SEPTIN7: variants seen among roughly 807,000 people sequenced by gnomAD.
SEPTIN7 encodes the protein septin-7.
Under a neutral mutation model 63.3 loss-of-function variants are expected in SEPTIN7, and 10 were observed. That is an observed-to-expected ratio of 0.16 (90% CI 0.10 to 0.27). The LOEUF is 0.27. SEPTIN7 is among the 10% of genes least tolerant of loss of function. SEPTIN7 has a pLI of 1.00. For missense variants in SEPTIN7, 310 were observed against 521.0 expected (o/e 0.59, Z 3.94); for synonymous variants, 131 against 165.3 (o/e 0.79, Z 1.59).
intron 3 of SEPTIN7, among the ~76,000 whole-genome samples, chr7:35,834,681 A>G (rs561234184): frequency 1.9e-4 from 29 of 152,260 alleles, no homozygotes; most frequent in African/African-American, 7.0e-4. Flanking sequence ...TTTCATCTAT[A>G]TAGGTGTAGT....
rs1787922579 is a variant in SEPTIN7 at position 35,801,117 on chromosome 7, C to CG, written c.-92dup. 1 of 1,066,132 alleles carries CG rather than the reference C, an allele frequency of 9.4e-7. No individual in the cohort carries two copies. The highest frequency in any genetic ancestry group is 3.2e-5 in the East Asian group (1 of 30,902). The allele number at this position is 1,066,132 out of a possible 1,614,324, so 66.0% of individuals were successfully genotyped here. Reference sequence around the variant, plus strand: ...GTAGCGTGCGTAAGCAAGGCAGCTACGCCGGGCGGCTACGCTGCGGAATCG... The same window carrying CG: ...GTAGCGTGCGTAAGCAAGGCAGCTACGGCCGGGCGGCTACGCTGCGGAATCG... On this transcript the variant is annotated 5_prime_UTR_variant, in exon 1 of 14. Coordinates refer to ENST00000350320, the MANE Select transcript of SEPTIN7 (RefSeq NM_001788.6).
In SEPTIN7 at chr7:35,832,877, T is replaced by G; in HGVS notation, c.146T>G (p.Phe49Cys). ...QVYRKSVKRG[F>C]EFTLMVVGES... ...TACAGAAAATCGGTGAAGAGAGGTT[T>G]TGAATTCACGCTTATGGTAGTGGGT... The change falls in exon 3 of 14, where the codon TTT (phenylalanine) becomes TGT (cysteine). Residue 49 changes from phenylalanine (F) to cysteine (C), a missense_variant. This residue lies in a region of SEPTIN7 where 255 missense variants were observed against 490.5 expected (regional missense o/e 0.52). Coordinates refer to ENST00000350320, the MANE Select transcript of SEPTIN7 (RefSeq NM_001788.6). 6.2e-7 allele frequency: 1 copy of G among 1,602,524 alleles called. No homozygotes were observed. Among genetic ancestry groups the G allele is most frequent in the South Asian group, 1.1e-5 (1 of 90,854 alleles).
chr7:35,812,409 T>A (rs1454967319), intron 1 of SEPTIN7, among the ~76,000 whole-genome samples: 2 of 151,032 alleles, frequency 1.3e-5, no homozygotes, highest in Non-Finnish European at 2.9e-5. Flanking sequence ...AAACATGTGG[T>A]CAACACAGAG....
intron 1 of SEPTIN7, among the ~76,000 whole-genome samples, chr7:35,801,658 C>G (rs1019416152): frequency 6.6e-6 from 1 of 152,192 alleles, no homozygotes; most frequent in Admixed American, 6.5e-5. Flanking sequence ...TCCGCGGCCC[C>G]GCTTCCTCCT....
chr7:35,888,648 C>T (rs1313476507), intron 10 of SEPTIN7, among the ~76,000 whole-genome samples: 2 of 151,826 alleles, frequency 1.3e-5, no homozygotes, highest in East Asian at 1.9e-4. Context: ...GGTGAAACCT[C>T]GTCCCTACTA....
At chr7:35,865,565 A>G (rs1785766349) in intron 4 of SEPTIN7, among the ~76,000 whole-genome samples, 1 of 151,866 alleles carries the variant, frequency 6.6e-6, no homozygotes, top group African/African-American at 2.4e-5. Context: ...GTTTTTTACT[A>G]ATAGGAACAT....
chr7:35,858,820 A>G (rs1276370205), intron 3 of SEPTIN7, among the ~76,000 whole-genome samples: 2 of 151,820 alleles, frequency 1.3e-5, no homozygotes, highest in African/African-American at 4.8e-5. Flanking sequence ...AGCTGAGATT[A>G]CAGGCATGCG....
At chr7:35,914,624 T>C in the SEPTIN7 span, among the ~76,000 whole-genome samples, 6 of 141,696 alleles carry the variant, frequency 4.2e-5, no homozygotes, top group Non-Finnish European at 9.1e-5. Flanking sequence ...CTCTCTCTCT[T>C]CTCTCTTTCT....
chr7:35,882,741 G>A (rs1392658119), intron 8 of SEPTIN7, among the ~76,000 whole-genome samples, 165 bp downstream of exon 8: 1 of 151,998 alleles, frequency 6.6e-6, no homozygotes, highest in Non-Finnish European at 1.5e-5. Flanking sequence ...TTGAAGATTA[G>A]CTAGTATATA....
chr7:35,893,312 T>C (rs1179124571), intron 11 of SEPTIN7, among the ~76,000 whole-genome samples: 1 of 152,184 alleles, frequency 6.6e-6, no homozygotes, highest in Non-Finnish European at 1.5e-5. Flanking sequence ...GGTGAACCTA[T>C]TGAAAATTTA....
At chr7:35,888,823 CAAAAAAAAA>C (rs70974780) in intron 10 of SEPTIN7, 57 of 187,814 alleles carry the variant, frequency 3.0e-4, no homozygotes, top group South Asian at 2.8e-4. Flanking sequence ...GACCCTGTAT[CAAAAAAAAA>C]AAAAAAAAAA....
intron 1 of SEPTIN7, among the ~76,000 whole-genome samples, chr7:35,825,177 T>C (rs1783436437): frequency 6.6e-6 from 1 of 152,308 alleles, no homozygotes; most frequent in African/African-American, 2.4e-5. Flanking sequence ...TGAATGTGAC[T>C]CTGCATGTGA....
rs754751748 is a variant in SEPTIN7, at chr7:35,846,147, T to G, written c.169+13247T>G. ...TTTTTCTGCATCTTAGGCATAGCTG[T>G]AATACCATATTTATTTTGTATACTT... On this transcript the variant is annotated intron_variant, in intron 3 of 13. Coordinates refer to ENST00000350320, the MANE Select transcript of SEPTIN7 (RefSeq NM_001788.6). Among the ~76,000 whole-genome samples, 13 of 152,344 alleles carry G rather than the reference T, an allele frequency of 8.5e-5. No homozygotes were observed. In the Middle Eastern group the frequency reaches 0.01, roughly 120 times the overall value.
intron 1 of SEPTIN7, among the ~76,000 whole-genome samples, chr7:35,809,959 T>A (rs910713501): frequency 3.9e-5 from 6 of 152,070 alleles, no homozygotes; most frequent in Admixed American, 6.6e-5. Flanking sequence ...TTGTAAGGTG[T>A]TAGGGAAGAT....
chr7:35,829,851 G>A (rs546431010), intron 1 of SEPTIN7, among the ~76,000 whole-genome samples: 69 of 152,080 alleles, frequency 4.5e-4, no homozygotes, highest in African/African-American at 1.6e-3. Flanking sequence ...TTTTAAATAA[G>A]GTGATTAGGG....
intron 11 of SEPTIN7, among the ~76,000 whole-genome samples, chr7:35,891,148 G>A: frequency 6.6e-6 from 1 of 152,194 alleles, no homozygotes; most frequent in Non-Finnish European, 1.5e-5. Context: ...TGACTACCAA[G>A]TGTGTAGCTT....
intron 1 of SEPTIN7, among the ~76,000 whole-genome samples, chr7:35,824,979 C>T (rs572356514): frequency 6.6e-6 from 1 of 152,290 alleles, no homozygotes; most frequent in South Asian, 2.1e-4. Flanking sequence ...TCAGTAGCCA[C>T]ATGTAGCTAG....
chr7:35,892,342 T>C (rs1197480264), intron 11 of SEPTIN7, among the ~76,000 whole-genome samples: 1 of 151,816 alleles, frequency 6.6e-6, no homozygotes, highest in African/African-American at 2.4e-5. Context: ...TTTTTATCTC[T>C]TTTGAGCAAA....
chr7:35,828,173 A>G (rs1783614761), intron 1 of SEPTIN7, among the ~76,000 whole-genome samples: 1 of 152,166 alleles, frequency 6.6e-6, no homozygotes, highest in Admixed American at 6.5e-5. Flanking sequence ...CTTCTTTGTC[A>G]CCATGTTACT....
Sources: gnomAD v4.1 joint callset for allele counts (sites outside exome capture counted in the v4.1 genomes callset) on GRCh38, gnomAD v4.1.1 for gene constraint, gnomAD v4.1.1 regional missense constraint, MANE v1.5 for transcripts, NCBI Gene and HGNC (gene_info 2026-07-23, HGNC 2026-07-21) for gene names.